Variants in RBFOX1 observed in about 807,000 individuals in gnomAD.
The protein encoded by RBFOX1 is RNA binding protein fox-1 homolog 1.
In RBFOX1, 8 loss-of-function variants were observed where a neutral mutation model predicts 57.7. The ratio of observed to expected loss-of-function variants is 0.14; its 90% confidence interval spans 0.08 to 0.25. The LOEUF (loss-of-function observed/expected upper bound fraction) is 0.25. RBFOX1 is among the 10% of genes least tolerant of loss of function. The pLI is 1.00. For synonymous variants in RBFOX1, 326 were observed against 222.4 expected, an observed-to-expected ratio of 1.47 and a Z score of -4.15; for missense variants, 611 against 548.5, an observed-to-expected ratio of 1.11 and a Z score of -1.14.
chr16:6,993,866 C>T (rs1250514129), intron 3 of RBFOX1, among the ~76,000 whole-genome samples: 1 of 152,138 alleles, frequency 6.6e-6, no homozygotes, highest in Admixed American at 6.5e-5. Flanking sequence ...ACCACCTCTT[C>T]CCCGAACGTC....
intron 4 of RBFOX1, among the ~76,000 whole-genome samples, chr16:7,391,990 C>G (rs1414559394): frequency 1.3e-5 from 2 of 152,178 alleles, no homozygotes; most frequent in Non-Finnish European, 2.9e-5. Context: ...AATACAAGCT[C>G]TCTCTGTCTT....
intron 4 of RBFOX1, among the ~76,000 whole-genome samples, chr16:7,482,585 G>C (rs1469764154): frequency 1.8e-5 from 2 of 113,662 alleles, no homozygotes; most frequent in African/African-American, 3.5e-5. Context: ...CAGTCATGAA[G>C]ATATTGCCTA....
At chr16:6,403,047 T>C (rs1374807819) in intron 2 of RBFOX1, among the ~76,000 whole-genome samples, 1 of 152,148 alleles carries the variant, frequency 6.6e-6, no homozygotes, top group Non-Finnish European at 1.5e-5. Flanking sequence ...GGTTAGAGGC[T>C]TGGGTGCTGA....
chr16:5,530,960 A>C (rs937135912), intron 2 of RBFOX1, among the ~76,000 whole-genome samples: 4,839 of 112,022 alleles, frequency 0.043, 357 homozygotes, highest in African/African-American at 0.17. Flanking sequence ...AAAAAAAAAA[A>C]AAAAAAAAAA....
intron 3 of RBFOX1, among the ~76,000 whole-genome samples, chr16:5,748,158 G>T (rs1482977901): frequency 1.3e-5 from 2 of 152,264 alleles, no homozygotes; most frequent in Admixed American, 6.5e-5. Context: ...GGAGCAGGTT[G>T]TTCAGTTTCG....
At chr16:7,698,612 C>G (rs546633762) in intron 14 of RBFOX1, among the ~76,000 whole-genome samples, 3 of 152,186 alleles carry the variant, frequency 2.0e-5, no homozygotes, top group African/African-American at 7.2e-5. Context: ...ATTCCTCTAA[C>G]TGATCCTTCA....
At chr16:7,131,618 C>G (rs547257238) in intron 4 of RBFOX1, among the ~76,000 whole-genome samples, 30 of 151,774 alleles carry the variant, frequency 2.0e-4, no homozygotes, top group African/African-American at 6.0e-4. Context: ...AATACCATCC[C>G]TCAAGCAGAG....
intron 1 of RBFOX1, among the ~76,000 whole-genome samples, chr16:6,222,096 A>G (rs1309052385): frequency 1.3e-5 from 2 of 152,194 alleles, no homozygotes; most frequent in Non-Finnish European, 2.9e-5. Context: ...GTGACTGAAG[A>G]CATGTTTATT....
At chr16:5,459,434 G>A (rs2068724735) in intron 1 of RBFOX1, among the ~76,000 whole-genome samples, 1 of 152,164 alleles carries the variant, frequency 6.6e-6, no homozygotes, top group East Asian at 1.9e-4. Context: ...ACCTGGAAAG[G>A]CTCTCAGGTC....
At chr16:6,745,423 C>G (rs1212527438) in intron 3 of RBFOX1, among the ~76,000 whole-genome samples, 1 of 152,066 alleles carries the variant, frequency 6.6e-6, no homozygotes, top group African/African-American at 2.4e-5. Flanking sequence ...CAAATGAAAT[C>G]TATTGACACA....
intron 3 of RBFOX1, among the ~76,000 whole-genome samples, chr16:6,916,804 G>A (rs1428724526): frequency 1.3e-5 from 2 of 152,042 alleles, no homozygotes; most frequent in Admixed American, 6.6e-5. Flanking sequence ...TTCAAACTTC[G>A]AAGTTTGAAT....
At chr16:7,435,700 G>A (rs978275626) in intron 4 of RBFOX1, among the ~76,000 whole-genome samples, 1 of 152,248 alleles carries the variant, frequency 6.6e-6, no homozygotes, top group African/African-American at 2.4e-5. Flanking sequence ...CTATTTAGCT[G>A]TAGGTTTTGG....
At chr16:7,319,334 C>T (rs1024592529) in intron 4 of RBFOX1, among the ~76,000 whole-genome samples, 2 of 152,116 alleles carry the variant, frequency 1.3e-5, no homozygotes, top group African/African-American at 4.8e-5. Flanking sequence ...GAGTCCAGAC[C>T]TATGATAGGT....
At chr16:7,159,936 G>A (rs8055744) in intron 4 of RBFOX1, among the ~76,000 whole-genome samples, 34,649 of 151,984 alleles carry the variant, frequency 0.23, 4,240 homozygotes, top group African/African-American at 0.31. Context: ...TTATACCTTT[G>A]TTTTTCACTA....
chr16:6,708,521 G>T (rs984268757), intron 3 of RBFOX1, among the ~76,000 whole-genome samples: 3 of 152,144 alleles, frequency 2.0e-5, no homozygotes, highest in African/African-American at 7.2e-5. Context: ...TTGCTCTTGT[G>T]TTGGACAATT....
intron 3 of RBFOX1, among the ~76,000 whole-genome samples, chr16:6,735,936 C>G (rs2070132047): frequency 7.6e-6 from 1 of 131,816 alleles, no homozygotes; most frequent in Non-Finnish European, 1.6e-5. Context: ...TTTTTTTTGC[C>G]TTTTGCTTTA....
rs1409424482 is a variant in RBFOX1 at position 7,615,836 on chromosome 16, C to G, written c.676+8498C>G. Among the ~76,000 whole-genome samples the G allele has an allele frequency of 2.0e-5, 3 of 152,174 alleles. No individual in the cohort carries two copies. In the East Asian group the frequency reaches 5.8e-4, roughly 29 times the overall value. On this transcript the variant is annotated intron_variant, in intron 10 of 15. Coordinates refer to ENST00000550418, the MANE Select transcript of RBFOX1 (RefSeq NM_018723.4). ...ACATTCCTTGACCACAAATCGTTAT[C>G]TGGCCCAAAATGTCAATAGTGCTGG...
intron 2 of RBFOX1, among the ~76,000 whole-genome samples, chr16:6,651,055 A>C (rs2098588566): frequency 6.6e-6 from 1 of 152,154 alleles, no homozygotes; most frequent in Non-Finnish European, 1.5e-5. Flanking sequence ...GGCGTGCACC[A>C]ACAAGCCCAG....
chr16:5,928,674 C>G (rs2058985210), intron 4 of RBFOX1, among the ~76,000 whole-genome samples: 1 of 149,710 alleles, frequency 6.7e-6, no homozygotes, highest in Non-Finnish European at 1.5e-5. Context: ...GTCCTAGGTG[C>G]TTTCACTCTC....
Sources: gnomAD v4.1 joint callset for allele counts (sites outside exome capture counted in the v4.1 genomes callset) on GRCh38, gnomAD v4.1.1 for gene constraint, MANE v1.5 for transcripts, NCBI Gene and HGNC (gene_info 2026-07-23, HGNC 2026-07-21) for gene names.